The following CDH22 variants were observed in gnomAD, a reference collection of about 807,000 sequenced individuals.
The protein encoded by CDH22 is cadherin-22.
CDH22 carries 30 observed loss-of-function variants against 58.4 expected under a neutral mutation model. That is an observed-to-expected ratio of 0.51 (90% CI 0.38 to 0.70). The LOEUF is 0.70. CDH22 is among the 30% of genes least tolerant of loss of function. The probability of loss-of-function intolerance (pLI) is 0.00; values close to 1 mark genes in which losing one functional copy is unlikely to be tolerated. For missense variants in CDH22, 1,014 were observed against 1,233.9 expected, an observed-to-expected ratio of 0.82 and a Z score of 2.67; for synonymous variants, 513 against 558.2, an observed-to-expected ratio of 0.92 and a Z score of 1.14.
chr20:46,253,932 C>T (rs2086393814), intron 1 of CDH22, among the ~76,000 whole-genome samples: 1 of 152,180 alleles, frequency 6.6e-6, no homozygotes. Flanking sequence ...CAAGCTGTTG[C>T]TCTCCTTCCC....
At chr20:46,273,412 GC>G (rs1441525443) in intron 1 of CDH22, among the ~76,000 whole-genome samples, 3 of 152,166 alleles carry the variant, frequency 2.0e-5, no homozygotes, top group Admixed American at 6.5e-5. Context: ...TGAAGAGTTG[GC>G]CCCAAAAACC....
chr20:46,261,388 T>C (rs1027261436), intron 1 of CDH22, among the ~76,000 whole-genome samples: 8 of 152,234 alleles, frequency 5.3e-5, no homozygotes, highest in African/African-American at 1.9e-4. Context: ...TTCAGTCATG[T>C]ATTTATTTAA....
chr20:46,188,921 G>T (rs879738430), intron 8 of CDH22, among the ~76,000 whole-genome samples: 1 of 152,144 alleles, frequency 6.6e-6, no homozygotes, highest in Non-Finnish European at 1.5e-5. Flanking sequence ...GGCTGGGCTG[G>T]CAGGGAGCTC....
In CDH22 at chr20:46,297,477, T is replaced by A. The variant is rs2086633809; in HGVS notation, c.-400+10778A>T. 1.3e-5 allele frequency among the ~76,000 whole-genome samples: 2 copies of A among 151,346 alleles called. 1 individual carries two copies. Among genetic ancestry groups the A allele is most frequent in the South Asian group, 4.2e-4 (2 of 4,784 alleles). ...GAGCTTTCACAGGGGGTGCAGGAGC[T>A]CTGTGGAGATTCTGGGGAATTGGGG... is the stretch of plus-strand genomic sequence containing the variant. On this transcript the variant is annotated intron_variant, in intron 1 of 11. Coordinates refer to ENST00000537909, the MANE Select transcript of CDH22 (RefSeq NM_021248.3).
intron 1 of CDH22, among the ~76,000 whole-genome samples, chr20:46,277,321 T>C (rs1442897371): frequency 6.6e-6 from 1 of 152,082 alleles, no homozygotes; most frequent in African/African-American, 2.4e-5. Context: ...GTTGGCAGGG[T>C]TTACCTCTGG....
At position 46,223,749 on chromosome 20, in the gene CDH22, T is replaced by G. The variant is rs28525103; in HGVS notation, c.670+3759A>C. On this transcript the variant is annotated intron_variant, in intron 4 of 11. Transcript: ENST00000537909. Reference sequence around the variant, plus strand: ...TTTCTCTTTCTTTCTTTCTCTTTCCTCTTTCTTTTTCTTTCTTTCTTTCTT... The same window carrying G: ...TTTCTCTTTCTTTCTTTCTCTTTCCGCTTTCTTTTTCTTTCTTTCTTTCTT... 6.6e-3 allele frequency among the ~76,000 whole-genome samples: 967 copies of G among 147,018 alleles called. 14 individuals carry two copies. Among genetic ancestry groups the G allele is most frequent in the African/African-American group, 0.023 (926 of 39,774 alleles).
chr20:46,251,396 T>C lies in CDH22; in HGVS notation c.-102A>G. Reference sequence around the variant, plus strand: ...TGCGGCGCCGTGTCACATGGTGGCCTCAGCGCGGCCGCCGGGATGTCGCCC... The same window carrying C: ...TGCGGCGCCGTGTCACATGGTGGCCCCAGCGCGGCCGCCGGGATGTCGCCC... On this transcript the variant is annotated 5_prime_UTR_variant, in exon 2 of 12. An upstream open reading frame in the 5' UTR loses its in-frame stop. Coordinates refer to ENST00000537909, the MANE Select transcript of CDH22 (RefSeq NM_021248.3). This position sits in a 1 kb window ranked among gnomAD's most constrained non-coding sequence, Gnocchi z 6.7. 2 of 1,282,888 alleles carry C rather than the reference T, an allele frequency of 1.6e-6. No homozygotes were observed. Among genetic ancestry groups the C allele is most frequent in the South Asian group, 4.0e-5 (2 of 49,618 alleles). The allele number at this position is 1,282,888 out of a possible 1,614,324, so 79.5% of individuals were successfully genotyped here. A position where few individuals can be genotyped will look rare whatever the true frequency, so the allele number is the denominator to read the frequency against.
chr20:46,265,795 C>T (rs537916535), intron 1 of CDH22, among the ~76,000 whole-genome samples: 11 of 152,236 alleles, frequency 7.2e-5, no homozygotes, highest in African/African-American at 2.6e-4. Flanking sequence ...TTTTCTTCTT[C>T]TTTCCCCTTT....
chr20:46,189,427 G>C (rs2085848705), intron 8 of CDH22, among the ~76,000 whole-genome samples: 1 of 152,196 alleles, frequency 6.6e-6, no homozygotes, highest in African/African-American at 2.4e-5. Context: ...AGGGAGAGTA[G>C]AGGGGGCGGC....
At chr20:46,260,144 GA>G (rs1454641311) in intron 1 of CDH22, among the ~76,000 whole-genome samples, 2 of 152,132 alleles carry the variant, frequency 1.3e-5, no homozygotes, top group Non-Finnish European at 2.9e-5. Context: ...GAGCTTCTGG[GA>G]AATTTTTATT....
intron 2 of CDH22, among the ~76,000 whole-genome samples, chr20:46,246,736 C>T (rs901341927): frequency 1.3e-5 from 2 of 152,036 alleles, no homozygotes; most frequent in African/African-American, 4.8e-5. Flanking sequence ...AGGTTACCGT[C>T]GGGCGCCCGG....
At chr20:46,223,084 T>C (rs926620340) in intron 4 of CDH22, among the ~76,000 whole-genome samples, 3 of 152,166 alleles carry the variant, frequency 2.0e-5, no homozygotes, top group African/African-American at 4.8e-5. Context: ...CCCTTTCAGA[T>C]TGAAGAGTTG....
At chr20:46,228,553 G>T (rs1033233401) in intron 3 of CDH22, among the ~76,000 whole-genome samples, 3 of 152,098 alleles carry the variant, frequency 2.0e-5, no homozygotes, top group Non-Finnish European at 4.4e-5. Flanking sequence ...TAGACCAGGT[G>T]GGGGTGGGGG....
chr20:46,236,537 A>T (rs952440894), intron 3 of CDH22, among the ~76,000 whole-genome samples: 10 of 142,366 alleles, frequency 7.0e-5, no homozygotes, highest in Admixed American at 2.9e-4. Context: ...TAATATATTT[A>T]TATATAAATA....
At chr20:46,262,966 C>T (rs960281273) in intron 1 of CDH22, among the ~76,000 whole-genome samples, 5 of 152,208 alleles carry the variant, frequency 3.3e-5, no homozygotes, top group African/African-American at 9.7e-5. Flanking sequence ...CAATGTTCAG[C>T]GCCCAGCCCC....
At chr20:46,245,684 C>T (rs2086323284) in intron 2 of CDH22, among the ~76,000 whole-genome samples, 1 of 152,160 alleles carries the variant, frequency 6.6e-6, no homozygotes, top group Non-Finnish European at 1.5e-5. Flanking sequence ...ATACAACAGT[C>T]ATCAGACTCC....
intron 4 of CDH22, 44 bp downstream of exon 4, chr20:46,227,464 G>GGCCCCC: frequency 6.7e-6 from 9 of 1,351,068 alleles, no homozygotes; most frequent in Admixed American, 2.0e-5. Flanking sequence ...CCCGCCCCTG[G>GGCCCCC]CCCCGCCCCA....
intron 3 of CDH22, among the ~76,000 whole-genome samples, chr20:46,238,312 G>C (rs974507624): frequency 6.6e-6 from 1 of 152,160 alleles, no homozygotes; most frequent in Non-Finnish European, 1.5e-5. Flanking sequence ...GACCTAGAAA[G>C]TCAGGGACTT....
chr20:46,247,728 G>T (rs946194634), intron 2 of CDH22, among the ~76,000 whole-genome samples: 2 of 152,128 alleles, frequency 1.3e-5, no homozygotes, highest in Non-Finnish European at 2.9e-5. Flanking sequence ...TTGAGCCCAC[G>T]CAGTACAGCT....
Sources: allele counts gnomAD v4.1 joint callset (sites outside exome capture counted in the v4.1 genomes callset), GRCh38; gene constraint gnomAD v4.1.1; non-coding constraint Gnocchi (gnomAD v3.1); transcripts MANE v1.5; gene names NCBI Gene and HGNC (gene_info 2026-07-23, HGNC 2026-07-21).